Variants in CCDC38 observed in about 807,000 individuals in gnomAD.
The protein encoded by CCDC38 is coiled-coil domain-containing protein 38.
In CCDC38, 69 loss-of-function variants were observed where a neutral mutation model predicts 72.8. That is an observed-to-expected ratio of 0.95 (90% CI 0.78 to 1.16). The LOEUF (loss-of-function observed/expected upper bound fraction) is 1.16, where lower values mean the gene tolerates loss of function less well. Among genes scored for constraint, CCDC38 ranks in the 50% most tolerant of loss-of-function variants. The probability of loss-of-function intolerance (pLI) is 0.00; values close to 1 mark genes in which losing one functional copy is unlikely to be tolerated. For synonymous variants in CCDC38, 201 were observed against 213.2 expected (o/e 0.94, Z 0.50); for missense variants, 626 against 638.9 (o/e 0.98, Z 0.22).
chr12:95,900,013 A>G (rs757365749), intron 5 of CCDC38, among the ~76,000 whole-genome samples: 9 of 152,196 alleles, frequency 5.9e-5, no homozygotes, highest in Non-Finnish European at 1.0e-4. Flanking sequence ...TAGGAAACCA[A>G]TCATGAGGAT....
intron 2 of CCDC38, among the ~76,000 whole-genome samples, chr12:95,929,730 T>C (rs948219947): frequency 1.3e-5 from 2 of 152,264 alleles, no homozygotes; most frequent in African/African-American, 4.8e-5. Context: ...ACACCAAGTA[T>C]ATTAGTTTCC....
intron 2 of CCDC38, among the ~76,000 whole-genome samples, chr12:95,930,092 A>G (rs2080321417): frequency 6.6e-6 from 1 of 152,132 alleles, no homozygotes. Context: ...ATAAGGCCAC[A>G]TTCCCAGTTT....
intron 5 of CCDC38, among the ~76,000 whole-genome samples, chr12:95,904,186 T>C (rs2079978009): frequency 1.3e-5 from 2 of 152,196 alleles, no homozygotes; most frequent in African/African-American, 2.4e-5. Context: ...AAATTCATAA[T>C]ATGTCAATGT....
chr12:95,870,481 C>G (rs2079569745), intron 14 of CCDC38, among the ~76,000 whole-genome samples: 1 of 152,062 alleles, frequency 6.6e-6, no homozygotes, highest in African/African-American at 2.4e-5. Flanking sequence ...ATTTTTATTG[C>G]AAAATTAGGT....
intron 1 of CCDC38, among the ~76,000 whole-genome samples, chr12:95,940,470 T>C (rs2080437058): frequency 6.6e-6 from 1 of 152,200 alleles, no homozygotes; most frequent in African/African-American, 2.4e-5. Context: ...TAAAACCCAA[T>C]GAAAACGAAT....
chr12:95,926,220 C>T (rs1364466983), intron 2 of CCDC38, among the ~76,000 whole-genome samples: 17 of 149,270 alleles, frequency 1.1e-4, no homozygotes, highest in African/African-American at 4.2e-4. Flanking sequence ...AATTTCAGCT[C>T]CTGTTATTGG....
chr12:95,923,015 C>T (rs1355836562), intron 2 of CCDC38, among the ~76,000 whole-genome samples: 2 of 152,118 alleles, frequency 1.3e-5, no homozygotes, highest in Non-Finnish European at 2.9e-5. Flanking sequence ...GTGGGTGAGT[C>T]TCGTCCAATC....
chr12:95,872,659 C>T (rs887499869), intron 13 of CCDC38, among the ~76,000 whole-genome samples, 199 bp from the exon 14 acceptor site: 1 of 152,222 alleles, frequency 6.6e-6, no homozygotes, highest in Admixed American at 6.5e-5. Context: ...ACTGCAACCT[C>T]CGCCTCCCAG....
chr12:95,890,810 T>G, intron 9 of CCDC38, 22 bp downstream of exon 9: 6 of 1,453,534 alleles, frequency 4.1e-6, no homozygotes, highest in African/African-American at 1.4e-5. Context: ...TTTACTTTCA[T>G]GAGTCCCAAA....
intron 4 of CCDC38, 57 bp downstream of exon 4, chr12:95,917,072 C>G: frequency 3.5e-6 from 5 of 1,429,100 alleles, no homozygotes; most frequent in Non-Finnish European, 4.7e-6. Context: ...AGCTCCCAAA[C>G]CTGACATTAA....
At chr12:95,892,654 C>T (rs935375226) in intron 8 of CCDC38, among the ~76,000 whole-genome samples, 2 of 150,624 alleles carry the variant, frequency 1.3e-5, no homozygotes, top group Non-Finnish European at 2.9e-5. Flanking sequence ...ACTGCAACCT[C>T]CGCCTCCCAG....
chr12:95,870,655 G>C (rs563815310), intron 14 of CCDC38, among the ~76,000 whole-genome samples: 2 of 152,298 alleles, frequency 1.3e-5, no homozygotes, highest in Non-Finnish European at 2.9e-5. Context: ...AGTGCTGTTA[G>C]TGTAGTCATA....
intron 2 of CCDC38, among the ~76,000 whole-genome samples, chr12:95,928,181 A>C (rs1391838798): frequency 2.6e-5 from 4 of 152,000 alleles, no homozygotes; most frequent in Non-Finnish European, 4.4e-5. Flanking sequence ...TACACCAATC[A>C]GACGTAGATT....
At chr12:95,877,106 G>A (rs942184237) in intron 13 of CCDC38, among the ~76,000 whole-genome samples, 1 of 152,100 alleles carries the variant, frequency 6.6e-6, no homozygotes, top group Non-Finnish European at 1.5e-5. Context: ...AAGTTTATTG[G>A]GGATCTGAAG....
chr12:95,890,600 G>C (rs1434876857), intron 9 of CCDC38, among the ~76,000 whole-genome samples: 1 of 152,170 alleles, frequency 6.6e-6, no homozygotes, highest in Non-Finnish European at 1.5e-5. Context: ...GGCCAGCCAG[G>C]GTATGTCTCA....
rs781660872 is a variant in CCDC38, at chr12:95,918,896, C to A, written c.118G>T (p.Glu40Ter). The A allele has an allele frequency of 6.2e-6, 10 of 1,608,750 alleles. No individual in the cohort carries two copies. The highest frequency in any genetic ancestry group is 8.5e-6 in the Non-Finnish European group (10 of 1,175,212). The change falls in exon 3 of 16, where the codon GAA becomes TAA. Residue 40 changes from glutamate (E) to a stop codon, truncating the protein, a stop_gained. Transcript: ENST00000344280. LOFTEE classifies it high-confidence loss of function. ...FRDLFLVKEN[E>*]MAAKETEKFM... ...TTTACCGTTTCCTTTGCTGCCATTT[C>A]ATTTTCTTTGACAAGAAAGAGATCT...
intron 8 of CCDC38, 86 bp downstream of exon 8, chr12:95,894,903 A>G (rs756634131): frequency 8.1e-6 from 9 of 1,113,136 alleles, no homozygotes; most frequent in Non-Finnish European, 7.6e-6. Context: ...GCTTAAAAAA[A>G]TATCTATTTA....
At chr12:95,929,646 T>A (rs1275918728) in intron 2 of CCDC38, among the ~76,000 whole-genome samples, 1 of 152,216 alleles carries the variant, frequency 6.6e-6, no homozygotes, top group East Asian at 1.9e-4. Context: ...GACAAGGTGA[T>A]ATTTTTGTCC....
chr12:95,915,599 A>G (rs1434346933), intron 4 of CCDC38, among the ~76,000 whole-genome samples: 1 of 151,930 alleles, frequency 6.6e-6, no homozygotes, highest in Non-Finnish European at 1.5e-5. Flanking sequence ...GCTTTCATGT[A>G]GGTTTGTTTT....
Sources: allele counts gnomAD v4.1 joint callset (sites outside exome capture counted in the v4.1 genomes callset), GRCh38; gene constraint gnomAD v4.1.1; transcripts MANE v1.5; gene names NCBI Gene and HGNC (gene_info 2026-07-23, HGNC 2026-07-21).